Variants in GATA4 observed in about 807,000 individuals in gnomAD.
GATA4 encodes the protein transcription factor GATA-4.
GATA4 carries 7 observed loss-of-function variants against 37.9 expected under a neutral mutation model. The ratio of observed to expected loss-of-function variants is 0.18; its 90% CI spans 0.11 to 0.35. The LOEUF is 0.35. Ranked by LOEUF, GATA4 falls within the 10% of genes least tolerant of loss-of-function variation. The pLI, the probability that GATA4 is intolerant of heterozygous loss-of-function variation, is 1.00. For missense variants in GATA4, 647 were observed against 653.0 expected, an observed-to-expected ratio of 0.99 and a Z score of 0.10; for synonymous variants, 372 against 292.6, an observed-to-expected ratio of 1.27 and a Z score of -2.77.
At chr8:11,697,992 C>A in intron 1 of GATA4, 2 of 985,474 alleles carry the variant, frequency 2.0e-6, no homozygotes, top group Non-Finnish European at 2.4e-6. Flanking sequence ...TAACCACTGT[C>A]CTCCCCGGGA....
At chr8:11,702,748 A>G (rs1363925013), upstream of GATA4, among the ~76,000 whole-genome samples, 1 of 152,128 alleles carries the variant, frequency 6.6e-6, no homozygotes, top group Non-Finnish European at 1.5e-5. This position sits in a 1 kb window ranked among gnomAD's most constrained non-coding sequence, Gnocchi z 4.4. Flanking sequence ...GCCGGGGTCT[A>G]GAGGGGCGGC....
chr8:11,745,408 TACCAAA>T (rs1733068319), intron 2 of GATA4, among the ~76,000 whole-genome samples: 2 of 60,882 alleles, frequency 3.3e-5, no homozygotes, highest in Non-Finnish European at 5.7e-5. Flanking sequence ...AGCTTGTCTC[TACCAAA>T]AAAAAAAAAA....
At chr8:11,694,581 C>G (rs1442606616) in intron 1 of GATA4, 1 of 867,454 alleles carries the variant, frequency 1.2e-6, no homozygotes, top group African/African-American at 1.8e-5. Context: ...ATCATGGAAG[C>G]CAAACTGTCT....
At chr8:11,699,828 G>A (rs547416882), upstream of GATA4, among the ~76,000 whole-genome samples, 30 of 152,352 alleles carry the variant, frequency 2.0e-4, 1 homozygote, top group Non-Finnish European at 3.8e-4. Context: ...CTCAGATTAT[G>A]AGATATAAAC....
At chr8:11,677,544 C>G (rs894737055) in intron 1 of GATA4, among the ~76,000 whole-genome samples, 4 of 152,192 alleles carry the variant, frequency 2.6e-5, no homozygotes, top group Non-Finnish European at 5.9e-5. Flanking sequence ...CCTGGGGTCC[C>G]CCGCAGCCCT....
intron 4 of GATA4, among the ~76,000 whole-genome samples, chr8:11,750,466 T>G (rs572734012): frequency 3.9e-5 from 6 of 152,342 alleles, no homozygotes; most frequent in Non-Finnish European, 7.3e-5. Flanking sequence ...CAGTTTGATG[T>G]GTAACAAAGG....
At chr8:11,712,652 T>G (rs1800242939) in intron 2 of GATA4, among the ~76,000 whole-genome samples, 1 of 149,576 alleles carries the variant, frequency 6.7e-6, no homozygotes, top group Non-Finnish European at 1.5e-5. Flanking sequence ...GCTCGGGAGT[T>G]TGAGACCAAC....
At chr8:11,684,268 C>A (rs1024528258) in intron 1 of GATA4, among the ~76,000 whole-genome samples, 3 of 152,178 alleles carry the variant, frequency 2.0e-5, no homozygotes, top group Non-Finnish European at 4.4e-5. Flanking sequence ...CAAAGAATTG[C>A]CAGAGCCTAG....
In GATA4 at chr8:11,758,651, C is replaced by T. The variant is rs916557946; in HGVS notation, c.*176C>T. The stretch of plus-strand genomic sequence containing the variant: ...TTAGGGGAAGCGGGTGTTGGATTTT[C>T]TCAGATGCCTTTACACGCTGATGGG... On this transcript the variant is annotated 3_prime_UTR_variant, in exon 7 of 7. Transcript: ENST00000532059. The T allele has an allele frequency of 5.9e-6, 4 of 683,386 alleles. No homozygotes were observed. The East Asian group carries it at 8.2e-5, about 14-fold the overall frequency. The allele number at this position is 683,386 out of a possible 1,614,324, so 42.3% of individuals were successfully genotyped here.
chr8:11,757,485 G>A (rs1055678905), intron 6 of GATA4, among the ~76,000 whole-genome samples: 13 of 152,236 alleles, frequency 8.5e-5, no homozygotes, highest in Non-Finnish European at 1.6e-4. Flanking sequence ...GGGGAGGCGT[G>A]GTTGCGCTGT....
At chr8:11,693,558 CACACAG>C (rs1440337025) in intron 1 of GATA4, among the ~76,000 whole-genome samples, 2,970 of 81,942 alleles carry the variant, frequency 0.036, 33 homozygotes, top group South Asian at 0.059. Context: ...CACACACACA[CACACAG>C]AGAGAGAGAG....
At chr8:11,678,711 T>C (rs1489217854) in intron 1 of GATA4, among the ~76,000 whole-genome samples, 1 of 152,238 alleles carries the variant, frequency 6.6e-6, no homozygotes, top group African/African-American at 2.4e-5. Context: ...TCTGCTGGTC[T>C]CATTTTGATA....
chr8:11,751,650 GCAAAAGATATGGACTGA>G (rs1477173519), intron 4 of GATA4, among the ~76,000 whole-genome samples: 2 of 152,186 alleles, frequency 1.3e-5, no homozygotes, highest in African/African-American at 4.8e-5. Flanking sequence ...CCCCAAATGG[GCAAAAGATATGGACTGA>G]CATCTCACAG....
At chr8:11,688,550 A>ACG (rs1446569100), upstream of GATA4, among the ~76,000 whole-genome samples, 1 of 151,876 alleles carries the variant, frequency 6.6e-6, no homozygotes, top group South Asian at 2.1e-4. Context: ...ACACACACAC[A>ACG]CTTGAATCTC....
At chr8:11,678,934 CTT>C (rs1414086008) in intron 1 of GATA4, among the ~76,000 whole-genome samples, 1 of 152,164 alleles carries the variant, frequency 6.6e-6, no homozygotes, top group East Asian at 1.9e-4. Flanking sequence ...ATAAATTACT[CTT>C]TCTCCCTGGT....
At chr8:11,751,966 G>C (rs888264706) in intron 4 of GATA4, among the ~76,000 whole-genome samples, 2 of 152,168 alleles carry the variant, frequency 1.3e-5, no homozygotes, top group African/African-American at 4.8e-5. Flanking sequence ...AAAATAACCA[G>C]TACATGATGA....
intron 2 of GATA4, among the ~76,000 whole-genome samples, chr8:11,730,712 C>T (rs550823607): frequency 6.6e-6 from 1 of 152,344 alleles, no homozygotes; most frequent in South Asian, 2.1e-4. Context: ...TAGGATGTTT[C>T]CTGCTGCCCT....
intron 2 of GATA4, among the ~76,000 whole-genome samples, chr8:11,729,137 G>A (rs2001469): frequency 0.19 from 29,179 of 152,132 alleles, 4,400 homozygotes; most frequent in East Asian, 0.71. Context: ...GGAGGCTGAA[G>A]CAGGAGAATC....
chr8:11,736,320 G>A (rs1801451380), intron 2 of GATA4, among the ~76,000 whole-genome samples: 1 of 152,230 alleles, frequency 6.6e-6, no homozygotes, highest in Non-Finnish European at 1.5e-5. Flanking sequence ...TGCTTTCACA[G>A]GTAGGAGCCT....
Sources: gnomAD v4.1 joint callset for allele counts (sites outside exome capture counted in the v4.1 genomes callset) on GRCh38, gnomAD v4.1.1 for gene constraint, Gnocchi (gnomAD v3.1) non-coding constraint, MANE v1.5 for transcripts, NCBI Gene and HGNC (gene_info 2026-07-23, HGNC 2026-07-21) for gene names.